Variants in GPC3 observed in about 807,000 individuals in gnomAD.
The protein encoded by GPC3 is glypican-3.
GPC3 carries 3 observed loss-of-function variants against 34.4 expected under a neutral mutation model. The ratio of observed to expected loss-of-function variants is 0.09; its 90% CI spans 0.04 to 0.23. GPC3 has a LOEUF of 0.23. GPC3 is among the 10% of genes least tolerant of loss of function. The pLI, the probability that GPC3 is intolerant of heterozygous loss-of-function variation, is 1.00. For synonymous variants in GPC3, 177 were observed against 174.0 expected, an observed-to-expected ratio of 1.02 and a Z score of -0.13; for missense variants, 351 against 445.6, an observed-to-expected ratio of 0.79 and a Z score of 1.91.
intron 2 of GPC3, among the ~76,000 whole-genome samples, chrX:133,756,316 A>C (rs2071725537): frequency 8.9e-6 from 1 of 112,327 alleles, no homozygotes; most frequent in Non-Finnish European, 1.9e-5. Context: ...CCTTTGCAGA[A>C]AGTACAGTTC....
intron 2 of GPC3, among the ~76,000 whole-genome samples, chrX:133,835,008 C>G (rs142799537): frequency 1.8e-5 from 2 of 112,028 alleles, no homozygotes; most frequent in African/African-American, 6.5e-5. Context: ...ATGGCATCCA[C>G]GCTTTTTGGT....
intron 6 of GPC3, among the ~76,000 whole-genome samples, chrX:133,615,412 C>T (rs1234747084): frequency 9.0e-6 from 1 of 111,024 alleles, no homozygotes; most frequent in African/African-American, 3.3e-5. Context: ...TCAATGTATA[C>T]AATATATTCA....
intron 6 of GPC3, among the ~76,000 whole-genome samples, chrX:133,618,307 TAA>T (rs774602606): frequency 4.0e-4 from 45 of 111,939 alleles, no homozygotes; most frequent in Non-Finnish European, 8.1e-4. Flanking sequence ...ACTAAAAATA[TAA>T]GACAGATTTT....
intron 4 of GPC3, among the ~76,000 whole-genome samples, chrX:133,698,623 A>G (rs1272009610): frequency 2.7e-5 from 3 of 112,117 alleles, no homozygotes; most frequent in Non-Finnish European, 5.6e-5. Context: ...TGCAATTATC[A>G]TATTTTTAAC....
intron 7 of GPC3, among the ~76,000 whole-genome samples, chrX:133,590,191 C>T (rs1186162745): frequency 1.8e-5 from 2 of 111,583 alleles, no homozygotes; most frequent in Admixed American, 9.6e-5. Context: ...CATGAGGATG[C>T]AGGAAGAAGG....
chrX:133,739,959 A>T (rs1434734797), intron 3 of GPC3, among the ~76,000 whole-genome samples: 3 of 111,616 alleles, frequency 2.7e-5, no homozygotes, highest in Non-Finnish European at 5.7e-5. Flanking sequence ...GCATCACACA[A>T]CCTTTTCTTC....
intron 2 of GPC3, among the ~76,000 whole-genome samples, chrX:133,787,795 T>C (rs758827366): frequency 9.0e-5 from 10 of 110,622 alleles, no homozygotes; most frequent in Non-Finnish European, 1.9e-4. Context: ...AATGTGAAAG[T>C]AGACCTACAT....
At chrX:133,768,031 C>T (rs1050220032) in intron 2 of GPC3, among the ~76,000 whole-genome samples, 6 of 110,759 alleles carry the variant, frequency 5.4e-5, no homozygotes, top group Non-Finnish European at 1.1e-4. Context: ...GGAAAATAGC[C>T]GTGTTGCTCT....
intron 6 of GPC3, among the ~76,000 whole-genome samples, chrX:133,607,121 G>T (rs1277685879): frequency 1.8e-5 from 2 of 110,836 alleles, no homozygotes; most frequent in Non-Finnish European, 3.8e-5. Context: ...ACCCCTGTGA[G>T]GCAGCAGGGC....
intron 5 of GPC3, among the ~76,000 whole-genome samples, chrX:133,687,187 C>T (rs1348861532): frequency 2.0e-5 from 2 of 100,961 alleles, no homozygotes; most frequent in African/African-American, 3.7e-5. Flanking sequence ...CGTGATCCGC[C>T]TGCCTCGGCC....
intron 2 of GPC3, among the ~76,000 whole-genome samples, chrX:133,892,664 C>T (rs772777016): frequency 3.6e-5 from 4 of 110,017 alleles, no homozygotes; most frequent in Non-Finnish European, 7.6e-5. Context: ...CCTCAAGTCA[C>T]TCCACACCAA....
intron 2 of GPC3, among the ~76,000 whole-genome samples, chrX:133,768,447 A>T (rs73564961): frequency 0.048 from 5,321 of 109,827 alleles, 345 homozygotes; most frequent in African/African-American, 0.17. Flanking sequence ...ACCTATGATG[A>T]CTCTCCTCCT....
At chrX:133,777,557 G>A (rs1448114415) in intron 2 of GPC3, among the ~76,000 whole-genome samples, 1 of 111,588 alleles carries the variant, frequency 9.0e-6, no homozygotes. Flanking sequence ...TCTTATCTCA[G>A]TTCTGTTTAT....
chrX:133,925,207 A>T (rs1257942294), intron 2 of GPC3, among the ~76,000 whole-genome samples: 1 of 109,792 alleles, frequency 9.1e-6, no homozygotes. Flanking sequence ...GCACAGTTTT[A>T]TAAGAACAAG....
intron 7 of GPC3, 71 bp from the exon 8 acceptor site, chrX:133,536,364 C>T (rs902081021): frequency 1.1e-5 from 9 of 802,821 alleles, no homozygotes; most frequent in Admixed American, 4.5e-5. Context: ...ATGCACAGCT[C>T]GAGCATGTGT....
intron 6 of GPC3, among the ~76,000 whole-genome samples, chrX:133,626,600 C>A (rs2070299946): frequency 9.1e-6 from 1 of 110,050 alleles, no homozygotes; most frequent in African/African-American, 3.3e-5. Context: ...AAATACAAAT[C>A]AAAACCACAA....
intron 7 of GPC3, among the ~76,000 whole-genome samples, chrX:133,548,425 T>A (rs1244030777): frequency 9.0e-6 from 1 of 110,909 alleles, no homozygotes; most frequent in African/African-American, 3.3e-5. Flanking sequence ...AATAAATAAA[T>A]CAATAAATAA....
chrX:133,740,060 A>G (rs2071549559), intron 3 of GPC3, among the ~76,000 whole-genome samples: 1 of 111,988 alleles, frequency 8.9e-6, no homozygotes, highest in Non-Finnish European at 1.9e-5. Context: ...AAAAATCTCT[A>G]TGGTGCCATT....
chrX:133,806,565 G>C (rs1190738966), intron 2 of GPC3, among the ~76,000 whole-genome samples: 1 of 111,820 alleles, frequency 8.9e-6, no homozygotes. Flanking sequence ...CAAAAAACAA[G>C]ATAATAGGCA....
Sources: allele counts gnomAD v4.1 joint callset (sites outside exome capture counted in the v4.1 genomes callset), GRCh38; gene constraint gnomAD v4.1.1; transcripts MANE v1.5; gene names NCBI Gene and HGNC (gene_info 2026-07-23, HGNC 2026-07-21).